The following EZH2 variants were observed in gnomAD, a reference collection of about 807,000 sequenced individuals.
The protein encoded by EZH2 is enhancer of zeste 2 polycomb repressive complex 2 subunit, also known as histone-lysine N-methyltransferase EZH2.
Under a neutral mutation model 98.4 loss-of-function variants are expected in EZH2, and 18 were observed. That is an observed-to-expected ratio of 0.18 (90% confidence interval 0.13 to 0.27). EZH2 has a LOEUF of 0.27. EZH2 is among the 10% of genes least tolerant of loss of function. EZH2 has a pLI of 1.00. For missense variants in EZH2, 470 were observed against 935.1 expected (o/e 0.50, Z 6.49); for synonymous variants, 338 against 312.3 (o/e 1.08, Z -0.87).
intron 1 of EZH2, among the ~76,000 whole-genome samples, chr7:148,870,947 G>A (rs1227331693): frequency 6.6e-6 from 1 of 150,634 alleles, no homozygotes; most frequent in African/African-American, 2.4e-5. Context: ...AAAAAAAAAA[G>A]GTTCACCTTA....
intron 1 of EZH2, among the ~76,000 whole-genome samples, chr7:148,865,093 C>G (rs1818251186): frequency 6.8e-6 from 1 of 148,016 alleles, no homozygotes; most frequent in Non-Finnish European, 1.5e-5. Context: ...CGCCACTGCT[C>G]TTCAGCCTGG....
At chr7:148,809,940 C>T (rs984568702) in intron 17 of EZH2, among the ~76,000 whole-genome samples, 1 of 152,324 alleles carries the variant, frequency 6.6e-6, no homozygotes, top group Admixed American at 6.5e-5. Context: ...TTGAGAATAT[C>T]CAGGGGAGTC....
At chr7:148,855,068 G>A (rs894933533) in intron 1 of EZH2, among the ~76,000 whole-genome samples, 7 of 152,218 alleles carry the variant, frequency 4.6e-5, no homozygotes, top group African/African-American at 1.7e-4. Flanking sequence ...AAGCAGGCAC[G>A]CAGTGCCATG....
rs10226030 is a variant in EZH2, at chr7:148,829,632, A to G, written c.484+96T>C. 6.7e-4 allele frequency: 907 copies of G among 1,352,060 alleles called. 8 individuals are homozygous for G. The African/African-American group carries it at 0.013, about 19-fold the overall frequency. 83.8% of individuals were successfully genotyped at this position (1,352,060 alleles called of 1,614,324 possible). The stretch of plus-strand genomic sequence containing the variant: ...TAGTTCAGTGCAAAACTTAATTTTA[A>G]TATTAAAATTTTTCTCATGCCCTAT... On this transcript the variant is annotated intron_variant, in intron 5 of 19. Coordinates refer to ENST00000320356, the MANE Select transcript of EZH2 (RefSeq NM_004456.5).
intron 14 of EZH2, among the ~76,000 whole-genome samples, chr7:148,814,339 G>C (rs968309481): frequency 6.6e-6 from 1 of 152,190 alleles, no homozygotes; most frequent in East Asian, 1.9e-4. Flanking sequence ...CCACTGAGTT[G>C]TTTTTCCATT....
chr7:148,821,511 G>C (rs557933126), intron 8 of EZH2, among the ~76,000 whole-genome samples: 1 of 151,930 alleles, frequency 6.6e-6, no homozygotes, highest in African/African-American at 2.4e-5. Flanking sequence ...TTTTTAAAAA[G>C]AACTAGACAA....
At chr7:148,823,083 CAA>C (rs1332164482) in intron 8 of EZH2, among the ~76,000 whole-genome samples, 1 of 152,052 alleles carries the variant, frequency 6.6e-6, no homozygotes, top group Non-Finnish European at 1.5e-5. Flanking sequence ...CAAAGAAAAA[CAA>C]GAATTTAAAA....
At chr7:148,818,705 G>T (rs539856273) in intron 9 of EZH2, among the ~76,000 whole-genome samples, 3 of 152,002 alleles carry the variant, frequency 2.0e-5, no homozygotes, top group African/African-American at 7.2e-5. Flanking sequence ...AGACATGAAA[G>T]GAACTTCAGG....
intron 5 of EZH2, 105 bp downstream of exon 5, chr7:148,829,623 T>A: frequency 7.8e-7 from 1 of 1,288,966 alleles, no homozygotes; most frequent in Non-Finnish European, 1.1e-6. Flanking sequence ...AGTGCAAAAC[T>A]TAATTTTAAT....
At chr7:148,824,611 C>T (rs1807143817) in intron 8 of EZH2, among the ~76,000 whole-genome samples, 1 of 152,104 alleles carries the variant, frequency 6.6e-6, no homozygotes, top group South Asian at 2.1e-4. Context: ...GCCAAAATCA[C>T]CTAACAACAC....
At position 148,814,153 on chromosome 7, in the gene EZH2, T is replaced by C. The variant is rs770556562; in HGVS notation, c.1673-16A>G. The C allele has an allele frequency of 1.2e-6, 2 of 1,611,448 alleles. No individual in the cohort carries two copies. The highest frequency in any genetic ancestry group is 1.7e-6 in the Non-Finnish European group (2 of 1,178,696). On this transcript the variant is annotated splice_polypyrimidine_tract_variant and intron_variant, in intron 14 of 19. Coordinates refer to ENST00000320356, the MANE Select transcript of EZH2 (RefSeq NM_004456.5). ...CGGTTTTGACCTTCAGAGAGAGGTTTGGAGGTTCTTCACTCATCACCGTAT... is the reference window on the plus strand; with the variant it reads ...CGGTTTTGACCTTCAGAGAGAGGTTCGGAGGTTCTTCACTCATCACCGTAT...
chr7:148,872,365 T>C (rs1440246506), intron 1 of EZH2, among the ~76,000 whole-genome samples: 1 of 152,172 alleles, frequency 6.6e-6, no homozygotes, highest in African/African-American at 2.4e-5. Flanking sequence ...GCTCAATGGG[T>C]ACAGAATTTC....
intron 8 of EZH2, among the ~76,000 whole-genome samples, chr7:148,824,878 G>A (rs1413569953): frequency 1.3e-5 from 2 of 151,972 alleles, no homozygotes; most frequent in African/African-American, 4.8e-5. Flanking sequence ...CAGCCAATTA[G>A]CCCCATGAAA....
chr7:148,851,494 C>T (rs1274472872), intron 1 of EZH2, among the ~76,000 whole-genome samples: 3 of 152,182 alleles, frequency 2.0e-5, no homozygotes, highest in South Asian at 2.1e-4. Flanking sequence ...CCACAACAAA[C>T]GACTGGCTCA....
chr7:148,814,164 C>T (rs750739601), intron 14 of EZH2, 27 bp from the exon 15 acceptor site: 157 of 1,605,460 alleles, frequency 9.8e-5, no homozygotes, highest in Non-Finnish European at 1.3e-4. Flanking sequence ...GGAGGTTCTT[C>T]ACTCATCACC....
At chr7:148,807,759 C>T in intron 19 of EZH2, 53 bp from the exon 20 acceptor site, 1 of 1,098,272 alleles carries the variant, frequency 9.1e-7, no homozygotes, top group Non-Finnish European at 1.3e-6. Context: ...CCAACATGTG[C>T]TGAGACTTAA....
At chr7:148,816,848 A>C in intron 11 of EZH2, 70 bp from the exon 12 acceptor site, 1 of 1,094,944 alleles carries the variant, frequency 9.1e-7, no homozygotes. Flanking sequence ...ATACTCATGC[A>C]TACCAGAAAA....
intron 1 of EZH2, among the ~76,000 whole-genome samples, chr7:148,871,258 G>A (rs139414001): frequency 2.7e-4 from 41 of 152,014 alleles, no homozygotes; most frequent in African/African-American, 4.6e-4. Context: ...TGTAAAAATC[G>A]TGCAGCCATT....
At position 148,879,812 on chromosome 7, in the gene EZH2, A is replaced by G. The variant is rs530021401; in HGVS notation, c.-8+4352T>C. 3.2e-4 allele frequency among the ~76,000 whole-genome samples: 49 copies of G among 152,260 alleles called. 1 individual carries two copies. In the East Asian group the frequency reaches 8.7e-3, roughly 27 times the overall value. ...ACTTTCGAGACTCCGTCTCAAAAAA[A>G]AAAAGTATCTGGGTCAAACACAATG... On this transcript the variant is annotated intron_variant, in intron 1 of 19. Coordinates refer to ENST00000320356, the MANE Select transcript of EZH2 (RefSeq NM_004456.5).
Sources: allele counts gnomAD v4.1 joint callset (sites outside exome capture counted in the v4.1 genomes callset), GRCh38; gene constraint gnomAD v4.1.1; transcripts MANE v1.5; gene names NCBI Gene and HGNC (gene_info 2026-07-23, HGNC 2026-07-21).